Variants in FOXP1 observed in about 807,000 individuals in gnomAD.
FOXP1 encodes forkhead box P1, also known as forkhead box protein P1.
Under a neutral mutation model 98.2 loss-of-function variants are expected in FOXP1, and 15 were observed. The ratio of observed to expected loss-of-function variants is 0.15; its 90% CI spans 0.10 to 0.24. The LOEUF is 0.24. FOXP1 is among the 10% of genes least tolerant of loss of function. The pLI, the probability that FOXP1 is intolerant of heterozygous loss-of-function variation, is 1.00. For synonymous variants in FOXP1, 371 were observed against 314.5 expected (o/e 1.18, Z -1.90); for missense variants, 633 against 848.5 (o/e 0.75, Z 3.15).
chr3:71,414,213 C>T (rs72959372), intron 3 of FOXP1, among the ~76,000 whole-genome samples: 5,098 of 152,234 alleles, frequency 0.033, 285 homozygotes, highest in African/African-American at 0.11. Context: ...AGATTGTCTG[C>T]GGAACGTGAT....
chr3:71,336,301 T>C (rs746550506), intron 4 of FOXP1, among the ~76,000 whole-genome samples: 10 of 152,192 alleles, frequency 6.6e-5, no homozygotes, highest in Admixed American at 6.5e-5. Flanking sequence ...CTGGGATACA[T>C]GTGCAGAATG....
intron 14 of FOXP1, among the ~76,000 whole-genome samples, chr3:70,982,542 T>C: frequency 6.6e-6 from 1 of 152,224 alleles, no homozygotes; most frequent in African/African-American, 2.4e-5. Flanking sequence ...ATAATCTCTT[T>C]GAAACTCTGG....
chr3:71,316,828 T>G (rs2075109028), intron 4 of FOXP1, among the ~76,000 whole-genome samples: 2 of 152,008 alleles, frequency 1.3e-5, no homozygotes, highest in Non-Finnish European at 2.9e-5. Flanking sequence ...CAGCTAATTT[T>G]TTGTATTTTA....
At chr3:71,574,554 T>C (rs569577180) in intron 2 of FOXP1, 4 of 152,294 alleles carry the variant, frequency 2.6e-5, no homozygotes, top group South Asian at 2.1e-4. Flanking sequence ...TTTCCATCAA[T>C]ATTCGTGCAT....
In FOXP1 at chr3:71,384,109, T is replaced by C. The variant is rs555375611; in HGVS notation, c.-167-24865A>G. Among the ~76,000 whole-genome samples, 4 of 152,118 alleles carry C rather than the reference T, an allele frequency of 2.6e-5. No homozygotes were observed. In the South Asian group the frequency reaches 6.2e-4, roughly 24 times the overall value. Reference sequence around the variant, plus strand: ...TGGTGTAAGCCTGTAGTCCCAGTTATGTGGGAGGCTGAGGCAGGAGAATCG... The same window carrying C: ...TGGTGTAAGCCTGTAGTCCCAGTTACGTGGGAGGCTGAGGCAGGAGAATCG... On this transcript the variant is annotated intron_variant, in intron 3 of 20. Coordinates refer to ENST00000649528, the MANE Select transcript of FOXP1 (RefSeq NM_001349338.3).
chr3:71,061,442 C>A (rs1051010016), intron 7 of FOXP1, among the ~76,000 whole-genome samples: 8 of 152,106 alleles, frequency 5.3e-5, no homozygotes, highest in African/African-American at 1.9e-4. Context: ...TCCTTCTACT[C>A]AAGCATATAT....
intron 7 of FOXP1, among the ~76,000 whole-genome samples, chr3:71,081,279 C>T (rs1040104804): frequency 3.3e-5 from 5 of 152,166 alleles, no homozygotes; most frequent in African/African-American, 1.2e-4. Context: ...AGCACCTGTA[C>T]TCAGCTCAGT....
intron 6 of FOXP1, among the ~76,000 whole-genome samples, chr3:71,139,015 T>G (rs1293389493): frequency 1.3e-5 from 2 of 152,230 alleles, no homozygotes; most frequent in Non-Finnish European, 2.9e-5. Context: ...TGGTTTCGCA[T>G]GTTAATTTGG....
chr3:71,473,300 A>T (rs1014183593), intron 3 of FOXP1, among the ~76,000 whole-genome samples: 1 of 152,166 alleles, frequency 6.6e-6, no homozygotes, highest in Non-Finnish European at 1.5e-5. Flanking sequence ...GTCAGCAAAC[A>T]TTCTCCAGTA....
intron 1 of FOXP1, 186 bp downstream of exon 1, chr3:71,583,385 C>G (rs773467355): frequency 5.6e-5 from 48 of 860,638 alleles, no homozygotes; most frequent in Non-Finnish European, 6.7e-5. Flanking sequence ...GAGGGGAGGG[C>G]TGGGGGAGAT....
intron 6 of FOXP1, among the ~76,000 whole-genome samples, chr3:71,114,272 T>C (rs2058185121): frequency 6.6e-6 from 1 of 151,866 alleles, no homozygotes; most frequent in Non-Finnish European, 1.5e-5. Flanking sequence ...GGGACAATAG[T>C]GGAATGGAAG....
intron 6 of FOXP1, among the ~76,000 whole-genome samples, chr3:71,114,032 C>G (rs1002946514): frequency 6.6e-6 from 1 of 152,138 alleles, no homozygotes; most frequent in Non-Finnish European, 1.5e-5. Flanking sequence ...AGAGTTTAGA[C>G]ACAAAATGAG....
chr3:71,314,602 C>A (rs895295963), intron 4 of FOXP1, among the ~76,000 whole-genome samples: 1 of 151,122 alleles, frequency 6.6e-6, no homozygotes, highest in Non-Finnish European at 1.5e-5. Flanking sequence ...GAATGTATAT[C>A]AGATTTTAAA....
chr3:71,556,871 A>G (rs2107703789), intron 2 of FOXP1, among the ~76,000 whole-genome samples: 1 of 152,294 alleles, frequency 6.6e-6, no homozygotes, highest in East Asian at 1.9e-4. Context: ...TATTTCAGCA[A>G]AAGACTGGAA....
intron 4 of FOXP1, among the ~76,000 whole-genome samples, chr3:71,350,728 TATG>T (rs1461442029): frequency 6.6e-6 from 1 of 152,210 alleles, no homozygotes; most frequent in Non-Finnish European, 1.5e-5. Flanking sequence ...AGCTGAACCA[TATG>T]ATATTTAAAG....
intron 6 of FOXP1, among the ~76,000 whole-genome samples, chr3:71,119,976 C>T (rs1216489169): frequency 1.3e-5 from 2 of 152,156 alleles, no homozygotes; most frequent in African/African-American, 4.8e-5. Flanking sequence ...TGGAAGGATT[C>T]TGGTGATTGT....
At chr3:71,353,434 G>C (rs375660928) in intron 4 of FOXP1, among the ~76,000 whole-genome samples, 93 of 152,188 alleles carry the variant, frequency 6.1e-4, no homozygotes, top group African/African-American at 2.1e-3. Flanking sequence ...CAAAAAATCT[G>C]GGTGTTAGCC....
chr3:71,065,071 G>GGCCCGCGCCCCGC (rs1347673654), intron 7 of FOXP1: 1 of 146,146 alleles, frequency 6.8e-6, no homozygotes, highest in Non-Finnish European at 1.5e-5. Context: ...TGGGCTCCGC[G>GGCCCGCGCCCCGC]GCCCGCGCCC....
chr3:71,315,124 A>G lies in FOXP1; in HGVS notation c.-72-15244T>C, dbSNP rs940416020. The stretch of plus-strand genomic sequence containing the variant: ...AAAAAAAAAGAAAGAAAGAAAAAGA[A>G]AAGAAAAAGCTCATATTTTCCATAT... On this transcript the variant is annotated intron_variant, in intron 4 of 20. Coordinates refer to ENST00000649528, the MANE Select transcript of FOXP1 (RefSeq NM_001349338.3). Among the ~76,000 whole-genome samples the G allele has an allele frequency of 3.4e-4, 51 of 151,092 alleles. 1 individual carries two copies. The highest frequency in any genetic ancestry group is 1.2e-3 in the African/African-American group (49 of 41,384).
Sources: gnomAD v4.1 joint callset for allele counts (sites outside exome capture counted in the v4.1 genomes callset) on GRCh38, gnomAD v4.1.1 for gene constraint, MANE v1.5 for transcripts, NCBI Gene and HGNC (gene_info 2026-07-23, HGNC 2026-07-21) for gene names.